The following HNRNPD variants were observed in gnomAD, a reference collection of about 807,000 sequenced individuals.
HNRNPD encodes heterogeneous nuclear ribonucleoprotein D0.
HNRNPD carries 3 observed loss-of-function variants against 47.9 expected under a neutral mutation model. That is an observed-to-expected ratio of 0.06 (90% CI 0.03 to 0.16). The LOEUF (loss-of-function observed/expected upper bound fraction) is 0.16, where lower values mean the gene tolerates loss of function less well. Ranked by LOEUF, HNRNPD falls within the 10% of genes least tolerant of loss-of-function variation. The pLI is 1.00. For missense variants in HNRNPD, 287 were observed against 454.2 expected (o/e 0.63, Z 3.35); for synonymous variants, 171 against 165.1 (o/e 1.04, Z -0.28).
At chr4:82,368,021 C>T (rs1000803544) in intron 2 of HNRNPD, among the ~76,000 whole-genome samples, 1 of 152,178 alleles carries the variant, frequency 6.6e-6, no homozygotes, top group African/African-American at 2.4e-5. Flanking sequence ...CAGTTCAGTG[C>T]CCTATCTACT....
At chr4:82,354,561 G>A (rs1008723275) in intron 8 of HNRNPD, 1 of 152,612 alleles carries the variant, frequency 6.6e-6, no homozygotes, top group African/African-American at 2.4e-5. Context: ...GTTATCTACT[G>A]TAATTATAGG....
intron 1 of HNRNPD, among the ~76,000 whole-genome samples, chr4:82,372,109 G>A (rs559964509): frequency 2.6e-5 from 4 of 151,794 alleles, no homozygotes; most frequent in Admixed American, 2.6e-4. Context: ...GCGACATCTT[G>A]TTATATCCAC....
At chr4:82,361,203 G>A (rs918747006) in intron 2 of HNRNPD, among the ~76,000 whole-genome samples, 4 of 152,124 alleles carry the variant, frequency 2.6e-5, no homozygotes, top group Non-Finnish European at 4.4e-5. Flanking sequence ...TGAATAGTGT[G>A]TACCTTCTAA....
chr4:82,368,758 T>C (rs1267867368), intron 2 of HNRNPD, among the ~76,000 whole-genome samples: 1 of 152,170 alleles, frequency 6.6e-6, no homozygotes, highest in Non-Finnish European at 1.5e-5. Flanking sequence ...CTAAAAGAAA[T>C]TATTTTACAA....
Position 82,366,486 on chromosome 4 carries a change from C to A in HNRNPD, c.290+5042G>T, listed in dbSNP as rs575778147. On this transcript the variant is annotated intron_variant, in intron 2 of 8. Coordinates refer to ENST00000313899, the MANE Select transcript of HNRNPD (RefSeq NM_031370.3). ...CTCGAACTCCTGACCTCAGGTGATTCGCTTGCGTCAGCCTCCCAAAGTGCT... is the reference window on the plus strand; with the variant it reads ...CTCGAACTCCTGACCTCAGGTGATTAGCTTGCGTCAGCCTCCCAAAGTGCT... 1.2e-4 allele frequency among the ~76,000 whole-genome samples: 19 copies of A among 152,258 alleles called. No individual in the cohort carries two copies. In the South Asian group the frequency reaches 3.9e-3, roughly 32 times the overall value.
rs76126972 is a variant in HNRNPD at position 82,364,606 on chromosome 4, T to C, written c.291-4967A>G. On this transcript the variant is annotated intron_variant, in intron 2 of 8. Coordinates refer to ENST00000313899, the MANE Select transcript of HNRNPD (RefSeq NM_031370.3). ...GTTTTATATAAACATATTCTAATAT[T>C]TTCAATGCTGCCAACTTGAAATAAC... 5.7e-3 allele frequency among the ~76,000 whole-genome samples: 868 copies of C among 152,280 alleles called. 17 individuals are homozygous for C. In the East Asian group the frequency reaches 0.065, roughly 11 times the overall value.
chr4:82,360,771 G>C (rs1272532630), intron 2 of HNRNPD, among the ~76,000 whole-genome samples: 1 of 152,036 alleles, frequency 6.6e-6, no homozygotes, highest in Non-Finnish European at 1.5e-5. Context: ...CTGCCACTAA[G>C]GCCCATTCTT....
intron 2 of HNRNPD, among the ~76,000 whole-genome samples, chr4:82,367,999 G>A (rs192546571): frequency 3.0e-4 from 45 of 152,276 alleles, no homozygotes; most frequent in East Asian, 2.5e-3. Context: ...GAGATCCCAC[G>A]CTTTCAGCAT....
chr4:82,361,605 GTTTTGA>G (rs1719441273), intron 2 of HNRNPD, among the ~76,000 whole-genome samples: 1 of 152,150 alleles, frequency 6.6e-6, no homozygotes, highest in South Asian at 2.1e-4. Flanking sequence ...GACAGAACTA[GTTTTGA>G]TTTTATTTAA....
intron 2 of HNRNPD, among the ~76,000 whole-genome samples, chr4:82,367,658 C>T (rs996886745): frequency 5.3e-5 from 8 of 152,076 alleles, no homozygotes; most frequent in African/African-American, 1.9e-4. Context: ...AGTGCAAGAC[C>T]CAATACTTAA....
rs2110008127 is a variant in HNRNPD, at chr4:82,373,715, CCCGCCG to C, written c.-43_-38del. 6.5e-7 allele frequency: 1 copy of C among 1,530,130 alleles called. No homozygotes were observed. Among genetic ancestry groups the C allele is most frequent in the South Asian group, 1.2e-5 (1 of 83,858 alleles). The allele number at this position is 1,530,130 out of a possible 1,614,324, so 94.8% of individuals were successfully genotyped here. A position where few individuals can be genotyped will look rare whatever the true frequency, so the allele number is the denominator to read the frequency against. On this transcript the variant is annotated 5_prime_UTR_variant, in exon 1 of 9. Coordinates refer to ENST00000313899, the MANE Select transcript of HNRNPD (RefSeq NM_031370.3). ...CTCCGCCGCTGCCGCCGAGACTACA[CCCGCCG>C]CTGCCGCGAACCGAAACTAGCAGCA...
Position 82,373,560 on chromosome 4 carries a change from G to A in HNRNPD, c.119C>T (p.Ala40Val), listed in dbSNP as rs999103427. The change falls in exon 1 of 9, where the codon GCG becomes GTG. Residue 40 changes from alanine (A) to valine (V), a missense_variant. Physicochemically the swap from Ala to Val is moderately conservative, Grantham distance 64. Around this residue, in one of 5 missense-constraint regions of HNRNPD, gnomAD observed 161 missense variants for 137.1 expected, o/e 1.17. Coordinates refer to ENST00000313899, the MANE Select transcript of HNRNPD (RefSeq NM_031370.3). ...CCCGGTCCCGGCTCCGCTTCCCGCC[G>A]CCGCCGCTGCCCCCTGTGTCGCCGC... ...MVAATQGAAA[A>V]AGSGAGTGGG... 67 of 1,535,710 alleles carry A rather than the reference G, an allele frequency of 4.4e-5. No individual in the cohort carries two copies. Among genetic ancestry groups the A allele is most frequent in the Non-Finnish European group, 5.7e-5 (65 of 1,142,416 alleles).
intron 2 of HNRNPD, among the ~76,000 whole-genome samples, chr4:82,367,383 TG>T (rs1020059308): frequency 1.7e-4 from 26 of 152,362 alleles, no homozygotes; most frequent in African/African-American, 6.3e-4. Context: ...AACTGTGTAC[TG>T]GAAATCAATT....
At position 82,363,645 on chromosome 4, in the gene HNRNPD, A is replaced by G. The variant is rs184649160; in HGVS notation, c.291-4006T>C. On this transcript the variant is annotated intron_variant, in intron 2 of 8. Transcript: ENST00000313899. ...CTTAGTTCTAAGTGAATCAATCCCA[A>G]TTAAAATGCAGGACTTCATCTACTG... Among the ~76,000 whole-genome samples the G allele has an allele frequency of 9.2e-5, 14 of 152,270 alleles. No homozygotes were observed. In the East Asian group the frequency reaches 9.7e-4, roughly 10 times the overall value.
chr4:82,370,382 G>A (rs1035338242), intron 2 of HNRNPD, among the ~76,000 whole-genome samples: 3 of 152,106 alleles, frequency 2.0e-5, no homozygotes, highest in African/African-American at 7.2e-5. Context: ...AATTACATGA[G>A]ACTCAAAATA....
At chr4:82,366,894 C>T (rs923618388) in intron 2 of HNRNPD, among the ~76,000 whole-genome samples, 2 of 152,120 alleles carry the variant, frequency 1.3e-5, no homozygotes, top group African/African-American at 4.8e-5. Context: ...CCAGGTCTCA[C>T]TATCAAAATG....
In HNRNPD at chr4:82,373,823, C is replaced by T; in HGVS notation, c.-145G>A. ...GACAGGGAAGGCGCGCGCGTGGCTG[C>T]AAAGGCTCCTGCGCCTCTCCCTGGC... is the stretch of plus-strand genomic sequence containing the variant. On this transcript the variant is annotated 5_prime_UTR_variant, in exon 1 of 9. Transcript: ENST00000313899. 1 of 1,484,804 alleles carries T rather than the reference C, an allele frequency of 6.7e-7. No homozygotes were observed. Among genetic ancestry groups the T allele is most frequent in the Non-Finnish European group, 8.9e-7 (1 of 1,119,336 alleles). The allele number at this position is 1,484,804 out of a possible 1,614,324, so 92.0% of individuals were successfully genotyped here. A position where few individuals can be genotyped will look rare whatever the true frequency, so the allele number is the denominator to read the frequency against.
At chr4:82,365,606 C>G (rs1313500232) in intron 2 of HNRNPD, among the ~76,000 whole-genome samples, 1 of 151,818 alleles carries the variant, frequency 6.6e-6, no homozygotes, top group African/African-American at 2.4e-5. Context: ...GTATAAAATT[C>G]ATGAAAACCA....
intron 2 of HNRNPD, among the ~76,000 whole-genome samples, chr4:82,362,935 C>A (rs555358384): frequency 6.6e-6 from 1 of 152,110 alleles, no homozygotes; most frequent in East Asian, 1.9e-4. Context: ...GGGGAAAAGT[C>A]TGCTTATCTT....
Sources: gnomAD v4.1 joint callset for allele counts (sites outside exome capture counted in the v4.1 genomes callset) on GRCh38, gnomAD v4.1.1 for gene constraint, gnomAD v4.1.1 regional missense constraint, MANE v1.5 for transcripts, NCBI Gene and HGNC (gene_info 2026-07-23, HGNC 2026-07-21) for gene names.